ARID5B: variants seen among roughly 807,000 people sequenced by gnomAD.
ARID5B encodes the protein AT-rich interactive domain-containing protein 5B.
ARID5B carries 13 observed loss-of-function variants against 97.2 expected under a neutral mutation model. That is an observed-to-expected ratio of 0.13 (90% confidence interval 0.09 to 0.21). The LOEUF is 0.21. ARID5B is among the 10% of genes least tolerant of loss of function. The probability of loss-of-function intolerance (pLI) is 1.00; values close to 1 mark genes in which losing one functional copy is unlikely to be tolerated. For synonymous variants in ARID5B, 556 were observed against 570.3 expected (o/e 0.97, Z 0.36); for missense variants, 1,210 against 1,465.3 (o/e 0.83, Z 2.84).
chr10:61,919,827 G>A (rs1843980350), intron 2 of ARID5B, among the ~76,000 whole-genome samples: 1 of 152,064 alleles, frequency 6.6e-6, no homozygotes, highest in Admixed American at 6.5e-5. Flanking sequence ...AAGAAAGAGG[G>A]CTCTAGTAAA....
At chr10:62,070,556 C>G (rs1238020151) in intron 8 of ARID5B, among the ~76,000 whole-genome samples, 1 of 152,226 alleles carries the variant, frequency 6.6e-6, no homozygotes, top group Admixed American at 6.5e-5. Context: ...CGTACATCCT[C>G]AGGCAATACC....
At chr10:61,909,260 A>G (rs1843758310) in intron 2 of ARID5B, among the ~76,000 whole-genome samples, 2 of 150,118 alleles carry the variant, frequency 1.3e-5, no homozygotes, top group South Asian at 4.2e-4. Context: ...TCTCAGGAGC[A>G]GGCAGTTGTG....
chr10:62,069,022 T>A (rs1840028663), intron 7 of ARID5B, among the ~76,000 whole-genome samples: 1 of 152,218 alleles, frequency 6.6e-6, no homozygotes, highest in African/African-American at 2.4e-5. Context: ...TCCCATTTTC[T>A]TGACCTAAGT....
In ARID5B at chr10:61,992,344, C is replaced by T. The variant is rs1215914138; in HGVS notation, c.503-7747C>T. On this transcript the variant is annotated intron_variant, in intron 3 of 9. Coordinates refer to ENST00000279873, the MANE Select transcript of ARID5B (RefSeq NM_032199.3). The stretch of plus-strand genomic sequence containing the variant: ...CCTTGGAGGTGGAGTTGGCTTTCTT[C>T]CCACTGCGTTCATTTGTTACTCAGA... Among the ~76,000 whole-genome samples the T allele has an allele frequency of 2.0e-5, 3 of 152,180 alleles. No individual in the cohort carries two copies. In the East Asian group the frequency reaches 5.8e-4, roughly 29 times the overall value.
chr10:61,916,297 T>A (rs971552403), intron 2 of ARID5B, among the ~76,000 whole-genome samples: 3 of 152,142 alleles, frequency 2.0e-5, no homozygotes, highest in African/African-American at 7.2e-5. Context: ...TAAATAAAGT[T>A]TTATTAGCAC....
chr10:62,066,034 A>G (rs978857770), intron 7 of ARID5B, among the ~76,000 whole-genome samples: 10 of 152,184 alleles, frequency 6.6e-5, no homozygotes, highest in African/African-American at 2.4e-4. Flanking sequence ...GGTACTAGAC[A>G]CTAGGAGGCA....
intron 3 of ARID5B, among the ~76,000 whole-genome samples, chr10:61,972,211 A>G (rs1318598700): frequency 1.4e-5 from 2 of 144,782 alleles, no homozygotes; most frequent in East Asian, 4.1e-4. Context: ...CTGTATCTCT[A>G]GTCTTATATC....
intron 2 of ARID5B, among the ~76,000 whole-genome samples, chr10:61,931,210 T>C (rs1315839926): frequency 3.3e-5 from 5 of 152,214 alleles, no homozygotes; most frequent in Non-Finnish European, 7.3e-5. Context: ...CTTTTGTTTA[T>C]GTAGGTTATA....
chr10:61,918,232 T>A (rs956007178), intron 2 of ARID5B, among the ~76,000 whole-genome samples: 62 of 152,238 alleles, frequency 4.1e-4, no homozygotes, highest in African/African-American at 1.3e-3. Context: ...CCCTTAGCCT[T>A]GAAGAGTAGT....
intron 4 of ARID5B, among the ~76,000 whole-genome samples, chr10:62,028,299 T>C (rs1431592244): frequency 6.6e-6 from 1 of 152,234 alleles, no homozygotes; most frequent in Non-Finnish European, 1.5e-5. Context: ...TTGAAGCAGT[T>C]ACGCAAGTAC....
chr10:61,956,276 G>A (rs1448294777), intron 3 of ARID5B, among the ~76,000 whole-genome samples: 2 of 152,126 alleles, frequency 1.3e-5, no homozygotes, highest in Non-Finnish European at 2.9e-5. Flanking sequence ...AACTGTGCAT[G>A]CACGTGATCT....
At chr10:61,964,183 T>C (rs1838512869) in intron 3 of ARID5B, among the ~76,000 whole-genome samples, 2 of 152,104 alleles carry the variant, frequency 1.3e-5, no homozygotes, top group African/African-American at 4.8e-5. Context: ...GGACCTCTTG[T>C]GTGTGTCAGG....
chr10:61,999,858 C>T (rs982121628), intron 3 of ARID5B, among the ~76,000 whole-genome samples: 2 of 152,102 alleles, frequency 1.3e-5, no homozygotes, highest in Non-Finnish European at 2.9e-5. Flanking sequence ...GAGGGCCAGC[C>T]TACTCTTTTC....
At chr10:62,066,265 T>C (rs1351683531) in intron 7 of ARID5B, among the ~76,000 whole-genome samples, 1 of 152,214 alleles carries the variant, frequency 6.6e-6, no homozygotes, top group African/African-American at 2.4e-5. Flanking sequence ...TGGGAGAATT[T>C]AGACATTTCT....
chr10:62,003,910 G>T (rs1839114550), intron 4 of ARID5B, among the ~76,000 whole-genome samples: 1 of 152,094 alleles, frequency 6.6e-6, no homozygotes, highest in East Asian at 1.9e-4. Flanking sequence ...TGAAAGTAAG[G>T]CTTTTAAATC....
chr10:62,008,061 AACACACACACACAC>A (rs369982502), intron 4 of ARID5B, among the ~76,000 whole-genome samples: 3 of 66,530 alleles, frequency 4.5e-5, no homozygotes, highest in African/African-American at 1.1e-4. Flanking sequence ...CCCGCCCCAC[AACACACACACACAC>A]ACACACACAC....
At chr10:62,021,333 T>C (rs890329948) in intron 4 of ARID5B, among the ~76,000 whole-genome samples, 2 of 152,158 alleles carry the variant, frequency 1.3e-5, no homozygotes, top group Non-Finnish European at 2.9e-5. Context: ...ATTTGGAATG[T>C]AAAACATCTG....
intron 3 of ARID5B, among the ~76,000 whole-genome samples, chr10:61,986,046 C>A (rs74359580): frequency 0.042 from 6,416 of 152,098 alleles, 197 homozygotes; most frequent in East Asian, 0.14. Flanking sequence ...CTCAAAGCCA[C>A]CAGCCCACTG....
intron 2 of ARID5B, among the ~76,000 whole-genome samples, chr10:61,907,069 G>A (rs757827570): frequency 6.6e-6 from 1 of 152,206 alleles, no homozygotes; most frequent in Non-Finnish European, 1.5e-5. Context: ...TCCGTGTGAG[G>A]GAATGGCACC....
Sources: allele counts gnomAD v4.1 joint callset (sites outside exome capture counted in the v4.1 genomes callset), GRCh38; gene constraint gnomAD v4.1.1; transcripts MANE v1.5; gene names NCBI Gene and HGNC (gene_info 2026-07-23, HGNC 2026-07-21).